Variants in LARGE1 observed in about 807,000 individuals in gnomAD.
LARGE1 encodes LARGE xylosyl- and glucuronyltransferase 1.
Under a neutral mutation model 87.6 loss-of-function variants are expected in LARGE1, and 43 were observed. That is an observed-to-expected ratio of 0.49 (90% CI 0.38 to 0.63). LARGE1 has a LOEUF of 0.63. Ranked by LOEUF, LARGE1 falls within the 30% of genes least tolerant of loss-of-function variation. The pLI is 0.00. For missense variants in LARGE1, 802 were observed against 1,000.2 expected (o/e 0.80, Z 2.67); for synonymous variants, 434 against 394.6 (o/e 1.10, Z -1.18).
chr22:33,323,957 T>C (rs1252044916), intron 10 of LARGE1, among the ~76,000 whole-genome samples: 1 of 152,080 alleles, frequency 6.6e-6, no homozygotes, highest in African/African-American at 2.4e-5. Context: ...CTTGGCCAGA[T>C]GCGGTGGCTC....
At chr22:33,806,484 G>C (rs1176976810) in intron 1 of LARGE1, among the ~76,000 whole-genome samples, 1 of 152,182 alleles carries the variant, frequency 6.6e-6, no homozygotes, top group Non-Finnish European at 1.5e-5. Context: ...CATACATCAA[G>C]AGGACAAACA....
At chr22:33,605,173 C>A (rs2079218880) in intron 4 of LARGE1, among the ~76,000 whole-genome samples, 1 of 152,026 alleles carries the variant, frequency 6.6e-6, no homozygotes, top group African/African-American at 2.4e-5. Flanking sequence ...TGGCCTCCAG[C>A]CTCTACTGAA....
intron 6 of LARGE1, among the ~76,000 whole-genome samples, chr22:33,520,186 T>A (rs967819827): frequency 8.6e-5 from 13 of 151,836 alleles, no homozygotes; most frequent in African/African-American, 3.1e-4. Context: ...CTACTTTTTG[T>A]ATCGCTCAGC....
intron 11 of LARGE1, among the ~76,000 whole-genome samples, chr22:33,219,809 C>T (rs892783547): frequency 1.3e-5 from 2 of 152,106 alleles, no homozygotes; most frequent in East Asian, 1.9e-4. Flanking sequence ...GGATTTATTG[C>T]CCAGCCTGCC....
chr22:33,150,883 A>T, the LARGE1 span, among the ~76,000 whole-genome samples: 3 of 152,014 alleles, frequency 2.0e-5, no homozygotes, highest in Admixed American at 2.0e-4. Flanking sequence ...CTGTAGTGTG[A>T]TTCATCCGCT....
chr22:33,333,413 C>T (rs73401440), intron 10 of LARGE1, among the ~76,000 whole-genome samples: 19,564 of 152,044 alleles, frequency 0.13, 3,109 homozygotes, highest in African/African-American at 0.38. Flanking sequence ...TGCCCATCAC[C>T]AAAACCCTTC....
intron 11 of LARGE1, among the ~76,000 whole-genome samples, chr22:33,220,101 C>T (rs1051706509): frequency 5.3e-5 from 8 of 152,144 alleles, no homozygotes; most frequent in South Asian, 2.1e-4. Flanking sequence ...TCCTGAATTC[C>T]GCTGCAGAGG....
chr22:33,452,806 A>T (rs897106333), intron 6 of LARGE1, among the ~76,000 whole-genome samples: 1 of 152,216 alleles, frequency 6.6e-6, no homozygotes, highest in Non-Finnish European at 1.5e-5. Context: ...AGGCATTTCC[A>T]TCCTTTTCCT....
intron 6 of LARGE1, among the ~76,000 whole-genome samples, chr22:33,508,754 ATAT>A (rs369212541): frequency 6.0e-4 from 91 of 152,298 alleles, no homozygotes; most frequent in African/African-American, 1.8e-3. Context: ...AACTCATCGC[ATAT>A]TATTACTTCA....
intron 3 of LARGE1, among the ~76,000 whole-genome samples, chr22:33,627,508 G>A (rs1481721713): frequency 6.6e-6 from 1 of 152,222 alleles, no homozygotes; most frequent in Non-Finnish European, 1.5e-5. Context: ...CCTGAGAGAT[G>A]CCTTTTCTTT....
the LARGE1 span, among the ~76,000 whole-genome samples, chr22:33,096,566 G>GTTTTT: frequency 9.3e-6 from 1 of 107,876 alleles, no homozygotes; most frequent in Non-Finnish European, 2.2e-5. Flanking sequence ...TTTTGTTTTT[G>GTTTTT]TTTTTTTTTT....
chr22:33,262,200 T>C (rs1022293010), intron 11 of LARGE1, among the ~76,000 whole-genome samples: 1 of 152,154 alleles, frequency 6.6e-6, no homozygotes, highest in African/African-American at 2.4e-5. Flanking sequence ...TGTTCAGTGG[T>C]GAGTAGAGAC....
intron 2 of LARGE1, among the ~76,000 whole-genome samples, chr22:33,753,015 A>G (rs918303914): frequency 6.6e-6 from 1 of 152,168 alleles, no homozygotes; most frequent in Non-Finnish European, 1.5e-5. Context: ...AGGTCAGGAG[A>G]TTGAGACCAT....
At chr22:33,223,009 G>T (rs1925534290) in intron 11 of LARGE1, among the ~76,000 whole-genome samples, 1 of 152,150 alleles carries the variant, frequency 6.6e-6, no homozygotes, top group Admixed American at 6.5e-5. Context: ...GTTGTAAAGA[G>T]CCTGCCCCTA....
chr22:33,297,979 C>CA (rs757656914), intron 12 of LARGE1, among the ~76,000 whole-genome samples: 5,347 of 47,724 alleles, frequency 0.11, 294 homozygotes, highest in Non-Finnish European at 0.16. Flanking sequence ...GACATCATCT[C>CA]AAAAAAAAAA....
chr22:33,591,137 GT>G (rs2078828428), intron 5 of LARGE1, among the ~76,000 whole-genome samples: 1 of 152,226 alleles, frequency 6.6e-6, no homozygotes, highest in African/African-American at 2.4e-5. Context: ...CGAGGCGGAG[GT>G]TGCAGTGAGC....
rs891122508 is a variant in LARGE1, at chr22:33,599,207, G to A, written c.615+5228C>T. Among the ~76,000 whole-genome samples, 7 of 152,212 alleles carry A rather than the reference G, an allele frequency of 4.6e-5. No individual in the cohort carries two copies. The East Asian group carries it at 5.8e-4, about 13-fold the overall frequency. ...GGGAAGGGAAAAGTCAAATATCAGC[G>A]TCAGCACTTGTTAGCAGTCTAATCT... On this transcript the variant is annotated intron_variant, in intron 5 of 14. Transcript: ENST00000397394.
At chr22:33,582,102 G>C (rs2078538380) in intron 5 of LARGE1, among the ~76,000 whole-genome samples, 1 of 152,162 alleles carries the variant, frequency 6.6e-6, no homozygotes, top group Non-Finnish European at 1.5e-5. Context: ...GGCAATACTT[G>C]GAGACACTTT....
intron 6 of LARGE1, among the ~76,000 whole-genome samples, chr22:33,517,694 G>A (rs544939380): frequency 3.9e-5 from 6 of 152,248 alleles, no homozygotes; most frequent in Middle Eastern, 6.8e-3. Flanking sequence ...CCACTGTGCC[G>A]GGCCGCCCAG....
Sources: allele counts gnomAD v4.1 joint callset (sites outside exome capture counted in the v4.1 genomes callset), GRCh38; gene constraint gnomAD v4.1.1; transcripts MANE v1.5; gene names NCBI Gene and HGNC (gene_info 2026-07-23, HGNC 2026-07-21).